Variants in GSTM3 observed in about 807,000 individuals in gnomAD.
GSTM3 encodes glutathione S-transferase mu 3, also known as GST class-mu 3.
A neutral mutation model predicts 36.1 loss-of-function variants in GSTM3; 34 were observed. The observed-to-expected ratio is 0.94, with a 90% CI of 0.72 to 1.25. The LOEUF (loss-of-function observed/expected upper bound fraction) is 1.25. GSTM3 is among the 50% of genes most tolerant of loss of function. The probability of loss-of-function intolerance (pLI) is 0.00; values close to 1 mark genes in which losing one functional copy is unlikely to be tolerated. For synonymous variants in GSTM3, 102 were observed against 99.5 expected (o/e 1.03, Z -0.15); for missense variants, 266 against 281.6 (o/e 0.94, Z 0.40).
At position 109,734,701 on chromosome 1, in the gene GSTM3, C is replaced by G. The variant is rs991514496; in HGVS notation, c.*2370G>C. ...CAAAGGCTCCCCCATGCCCAAGATA[C>G]TGGCCTGAACACCTAATCCCTGCTC... On this transcript the variant is annotated 3_prime_UTR_variant, in exon 9 of 9. Transcript: ENST00000361066. The G allele has an allele frequency of 6.6e-6, 1 of 152,284 alleles. No individual in the cohort carries two copies. The highest frequency in any genetic ancestry group is 1.5e-5 in the Non-Finnish European group (1 of 68,074). The allele number at this position is 152,284 out of a possible 1,614,324, so 9.4% of individuals were successfully genotyped here. A position where few individuals can be genotyped will look rare whatever the true frequency, so the allele number is the denominator to read the frequency against.
chr1:109,739,973 G>A (rs1000489495), intron 2 of GSTM3, 65 bp from the exon 3 acceptor site: 103 of 1,317,920 alleles, frequency 7.8e-5, no homozygotes, highest in Non-Finnish European at 1.1e-4. Context: ...GCCCGCTAAC[G>A]TTCCCCGGCC....
rs989702106 is a variant in GSTM3, at chr1:109,735,680, G to C, written c.*1391C>G. 2 of 113,966 alleles carry C rather than the reference G, an allele frequency of 1.8e-5. No homozygotes were observed. The highest frequency in any genetic ancestry group is 3.3e-5 in the Non-Finnish European group (2 of 61,222). The allele number at this position is 113,966 out of a possible 1,614,324, so 7.1% of individuals were successfully genotyped here. On this transcript the variant is annotated 3_prime_UTR_variant, in exon 9 of 9. Coordinates refer to ENST00000361066, the MANE Select transcript of GSTM3 (RefSeq NM_000849.5). ...TTTTTTTGAGACAGAGTCTCGCCCT[G>C]TAGCCAGGCTGGAGTGCAGTGGCGT...
At chr1:109,739,011 CTTGGGAGGCTGAG>C (rs1004979185) in intron 4 of GSTM3, among the ~76,000 whole-genome samples, 2 of 152,038 alleles carry the variant, frequency 1.3e-5, no homozygotes, top group African/African-American at 4.8e-5. Flanking sequence ...GTCCCAGCTC[CTTGGGAGGCTGAG>C]GTGGGAGGAC....
chr1:109,737,533 A>G lies in GSTM3; in HGVS notation c.503T>C (p.Leu168Ser). Residue 168 changes from leucine (L) to serine (S), a missense_variant, in exon 8 of 9, where the codon TTG becomes TCG. Coordinates refer to ENST00000361066, the MANE Select transcript of GSTM3 (RefSeq NM_000849.5). Reference protein sequence around the residue: ...TFVDFLTYDILDQNRIFDPKC... With the variant: ...TFVDFLTYDISDQNRIFDPKC... ...GGGGTCAAATATACGGTTCTGATCC[A>G]AGATATCATAGGTGAGAAAATCCAC... 1 of 1,613,494 alleles carries G rather than the reference A, an allele frequency of 6.2e-7. No individual in the cohort carries two copies. Among genetic ancestry groups the G allele is most frequent in the African/African-American group, 1.3e-5 (1 of 75,046 alleles).
At chr1:109,739,743 C>T in intron 3 of GSTM3, 90 bp downstream of exon 3, 1 of 1,022,570 alleles carries the variant, frequency 9.8e-7, no homozygotes, top group Non-Finnish European at 1.5e-6. Flanking sequence ...CCCACCCGGC[C>T]TTGGCGCGAC....
Position 109,735,652 on chromosome 1 carries a change from T to G in GSTM3, c.*1419A>C, listed in dbSNP as rs1649178959. ...TTGAATGTTTTTTTTTTTTTTTTTT[T>G]TTTTTTTTTGAGACAGAGTCTCGCC... is the stretch of plus-strand genomic sequence containing the variant. On this transcript the variant is annotated 3_prime_UTR_variant, in exon 9 of 9. Coordinates refer to ENST00000361066, the MANE Select transcript of GSTM3 (RefSeq NM_000849.5). 7.0e-6 allele frequency: 1 copy of G among 142,044 alleles called. No homozygotes were observed. Among genetic ancestry groups the G allele is most frequent in the Admixed American group, 7.0e-5 (1 of 14,364 alleles). The allele number at this position is 142,044 out of a possible 1,614,324, so 8.8% of individuals were successfully genotyped here.
rs1649346131 is a variant in GSTM3 at position 109,740,421 on chromosome 1, C to T, written c.-134G>A. 3 of 756,262 alleles carry T rather than the reference C, an allele frequency of 4.0e-6. No homozygotes were observed. Among genetic ancestry groups the T allele is most frequent in the Non-Finnish European group, 6.5e-6 (3 of 458,900 alleles). The allele number at this position is 756,262 out of a possible 1,614,324, so 46.8% of individuals were successfully genotyped here. A position where few individuals can be genotyped will look rare whatever the true frequency, so the allele number is the denominator to read the frequency against. On this transcript the variant is annotated 5_prime_UTR_variant, in exon 2 of 9. Transcript: ENST00000361066. Reference sequence around the variant, plus strand: ...CGCCCCGTTCTCCGTCCCTTGCCTCCGCGGCTCCACAGGGCCGTGCGCAGG... The same window carrying T: ...CGCCCCGTTCTCCGTCCCTTGCCTCTGCGGCTCCACAGGGCCGTGCGCAGG...
At chr1:109,739,996 G>A in intron 2 of GSTM3, 88 bp from the exon 3 acceptor site, 3 of 1,121,022 alleles carry the variant, frequency 2.7e-6, no homozygotes, top group East Asian at 2.6e-5. Flanking sequence ...GGGCTGCCGA[G>A]TCCCTGCGTC....
chr1:109,740,644 C>G (rs1649356785), intron 1 of GSTM3, 133 bp from the exon 2 acceptor site: 1 of 298,922 alleles, frequency 3.3e-6, no homozygotes, highest in Non-Finnish European at 6.3e-6. Flanking sequence ...CCTAGTTACC[C>G]AGGGAGAGCG....
chr1:109,740,356 A>AG lies in GSTM3; in HGVS notation c.-70dup. 7.1e-7 allele frequency: 1 copy of AG among 1,410,142 alleles called. No homozygotes were observed. Among genetic ancestry groups the AG allele is most frequent in the Non-Finnish European group, 9.9e-7 (1 of 1,011,750 alleles). 87.4% of individuals were successfully genotyped at this position (1,410,142 alleles called of 1,614,324 possible). ...CGGGAGGGGCTTTATACCCGACATA[A>AG]GGGGGCGGGGCCCACGCGCGGGCGC... On this transcript the variant is annotated 5_prime_UTR_variant, in exon 2 of 9. Transcript: ENST00000361066.
chr1:109,737,252 G>T, intron 8 of GSTM3, 83 bp from the exon 9 acceptor site: 3 of 985,632 alleles, frequency 3.0e-6, no homozygotes, highest in South Asian at 2.6e-5. Context: ...TTCACGTGTT[G>T]CCTGCGTCTA....
In GSTM3 at chr1:109,737,014, C is replaced by T. The variant is rs577958582; in HGVS notation, c.*57G>A. On this transcript the variant is annotated 3_prime_UTR_variant, in exon 9 of 9. Coordinates refer to ENST00000361066, the MANE Select transcript of GSTM3 (RefSeq NM_000849.5). Reference sequence around the variant, plus strand: ...TTCATTGAAAAGAGCAAAGCAAGAGCGCTGACCCCTTACGGACAGGATGAA... The same window carrying T: ...TTCATTGAAAAGAGCAAAGCAAGAGTGCTGACCCCTTACGGACAGGATGAA... The T allele has an allele frequency of 6.7e-6, 7 of 1,041,022 alleles. No homozygotes were observed. Among genetic ancestry groups the T allele is most frequent in the Admixed American group, 3.5e-5 (2 of 56,718 alleles). 64.5% of individuals were successfully genotyped at this position (1,041,022 alleles called of 1,614,324 possible).
At position 109,738,306 on chromosome 1, in the gene GSTM3, T is replaced by C; in HGVS notation, c.250A>G (p.Ile84Val). The C allele has an allele frequency of 6.2e-7, 1 of 1,613,896 alleles. No individual in the cohort carries two copies. The highest frequency in any genetic ancestry group is 8.5e-7 in the Non-Finnish European group (1 of 1,179,726). Residue 84 changes from isoleucine (I) to valine (V), a missense_variant, in exon 5 of 9, where the codon ATC (isoleucine) becomes GTC (valine). By Grantham distance (29) the Ile-to-Val change is conservative (BLOSUM62 3). Coordinates refer to ENST00000361066, the MANE Select transcript of GSTM3 (RefSeq NM_000849.5). ...TCACACATGTTGTGCTTGCGAGCGA[T>C]GTAGCGCAAGATGGCATTGCTCTGG... ...ITQSNAILRY[I>V]ARKHNMCGET...
Position 109,740,501 on chromosome 1 carries a change from G to A in GSTM3, c.-214C>T, listed in dbSNP as rs1649350605. The A allele has an allele frequency of 8.5e-6, 5 of 589,104 alleles. No individual in the cohort carries two copies. Among genetic ancestry groups the A allele is most frequent in the African/African-American group, 1.9e-5 (1 of 52,302 alleles). The allele number at this position is 589,104 out of a possible 1,614,324, so 36.5% of individuals were successfully genotyped here. ...GCCTGGCGACCCCGAGGCGGGACCC[G>A]GGCAGGAGTGCTGCAGGAGAGCAAA... On this transcript the variant is annotated 5_prime_UTR_variant, in exon 2 of 9. Transcript: ENST00000361066.
rs1363401096 is a variant in GSTM3 at position 109,737,759 on chromosome 1, G to A, written c.373-8C>T. The A allele has an allele frequency of 2.7e-6, 4 of 1,492,570 alleles. No homozygotes were observed. In the South Asian group the frequency reaches 4.7e-5, roughly 18 times the overall value. The allele number at this position is 1,492,570 out of a possible 1,614,324, so 92.5% of individuals were successfully genotyped here. On this transcript the variant is annotated splice_polypyrimidine_tract_variant and splice_region_variant and intron_variant, in intron 6 of 8. Coordinates refer to ENST00000361066, the MANE Select transcript of GSTM3 (RefSeq NM_000849.5). The stretch of plus-strand genomic sequence containing the variant: ...CTGAGGCTTCAGTTTTTCCTGAGAG[G>A]AAAAAACAGAATGAGAATAGTGGTG...
Position 109,740,345 on chromosome 1 carries a change from T to G in GSTM3, c.-58A>C. The G allele has an allele frequency of 2.0e-6, 3 of 1,519,262 alleles. No individual in the cohort carries two copies. The highest frequency in any genetic ancestry group is 2.7e-6 in the Non-Finnish European group (3 of 1,100,508). 94.1% of individuals were successfully genotyped at this position (1,519,262 alleles called of 1,614,324 possible). A position where few individuals can be genotyped will look rare whatever the true frequency, so the allele number is the denominator to read the frequency against. On this transcript the variant is annotated 5_prime_UTR_variant, in exon 2 of 9. Coordinates refer to ENST00000361066, the MANE Select transcript of GSTM3 (RefSeq NM_000849.5). Reference sequence around the variant, plus strand: ...GAAACTGTGAGCGGGAGGGGCTTTATACCCGACATAAGGGGGCGGGGCCCA... The same window carrying G: ...GAAACTGTGAGCGGGAGGGGCTTTAGACCCGACATAAGGGGGCGGGGCCCA...
In GSTM3 at chr1:109,734,534, T is replaced by C. The variant is rs1649150816; in HGVS notation, c.*2537A>G. On this transcript the variant is annotated 3_prime_UTR_variant, in exon 9 of 9. Transcript: ENST00000361066. ...CCCTTTTTGATTTCTGGTCATATCA[T>C]CGATCTAGCCCCAGGGGCATCCTCA... 1 of 152,252 alleles carries C rather than the reference T, an allele frequency of 6.6e-6. No individual in the cohort carries two copies. Among genetic ancestry groups the C allele is most frequent in the African/African-American group, 2.4e-5 (1 of 41,444 alleles). 9.4% of individuals were successfully genotyped at this position (152,252 alleles called of 1,614,324 possible).
chr1:109,737,727 C>A lies in GSTM3; in HGVS notation c.397G>T (p.Glu133Ter). ...TGTTTCAGTTGTCCAGGTAGCTCTT[C>A]CAAGTACTGAGGCTTCAGTTTTTCC... is the stretch of plus-strand genomic sequence containing the variant. ...DHEKLKPQYLEELPGQLKQFS... is the reference protein window; with the variant it reads ...DHEKLKPQYL The change falls in exon 7 of 9, where the codon GAA becomes TAA. Residue 133 changes from glutamate (E) to a stop codon, truncating the protein, a stop_gained. Transcript: ENST00000361066. LOFTEE classifies it high-confidence loss of function. 6.2e-7 allele frequency: 1 copy of A among 1,603,926 alleles called. No homozygotes were observed. Among genetic ancestry groups the A allele is most frequent in the Non-Finnish European group, 8.5e-7 (1 of 1,174,036 alleles).
intron 4 of GSTM3, among the ~76,000 whole-genome samples, chr1:109,739,133 CAAGA>C (rs1469626492): frequency 1.3e-5 from 2 of 152,042 alleles, no homozygotes; most frequent in Non-Finnish European, 2.9e-5. Context: ...AACAAAAGAA[CAAGA>C]AACACACAAA....
Sources: gnomAD v4.1 joint callset for allele counts (sites outside exome capture counted in the v4.1 genomes callset) on GRCh38, gnomAD v4.1.1 for gene constraint, MANE v1.5 for transcripts, NCBI Gene and HGNC (gene_info 2026-07-23, HGNC 2026-07-21) for gene names.